Variants in ANKRD30BL observed in about 807,000 individuals in gnomAD.
The protein encoded by ANKRD30BL is ankyrin repeat domain 30B like.
ANKRD30BL carries 20 observed loss-of-function variants against 18.4 expected under a neutral mutation model. The ratio of observed to expected loss-of-function variants is 1.09; its 90% CI spans 0.77 to 1.58. The LOEUF (loss-of-function observed/expected upper bound fraction) is 1.58, where lower values mean the gene tolerates loss of function less well. Ranked by LOEUF, ANKRD30BL falls within the 40% of genes most tolerant of loss-of-function variation. ANKRD30BL has a pLI of 0.00. For missense variants in ANKRD30BL, 224 were observed against 268.6 expected (o/e 0.83, Z 1.16); for synonymous variants, 72 against 100.9 (o/e 0.71, Z 1.72).
In ANKRD30BL at chr2:132,177,191, G is replaced by A. The variant is rs1688380107; in HGVS notation, n.442-20045C>T. Among the ~76,000 whole-genome samples, 6 of 151,568 alleles carry A rather than the reference G, an allele frequency of 4.0e-5. No individual in the cohort carries two copies. The South Asian group carries it at 1.3e-3, about 32-fold the overall frequency. On this transcript the variant is annotated intron_variant and non_coding_transcript_variant, in intron 1 of 4. Coordinates refer to the ANKRD30BL transcript ENST00000470729. ...TATTTTTGAGATGGAATTTCCCTTG[G>A]TCACCCAGGTGGAGTGCAATGGCAC...
intron 1 of ANKRD30BL, among the ~76,000 whole-genome samples, chr2:132,246,784 G>A (rs1680510988): frequency 6.6e-6 from 1 of 151,756 alleles, no homozygotes; most frequent in South Asian, 2.1e-4. Flanking sequence ...GCTCTTTGAG[G>A]GCTATGGTGA....
In ANKRD30BL at chr2:132,161,870, A is replaced by G. The variant is rs1573807425; in HGVS notation, c.-165T>C. On this transcript the variant is annotated 5_prime_UTR_variant, in exon 1 of 6. Coordinates refer to ENST00000409867, the MANE Select transcript of ANKRD30BL (RefSeq NM_001358416.1). ...ACACTCCAACCTCTCCCGGGAGAAA[A>G]TGGCTGCGCAAAACCGTTAGGCAGC... The G allele has an allele frequency of 3.4e-6, 2 of 591,132 alleles. No individual in the cohort carries two copies. The highest frequency in any genetic ancestry group is 6.1e-6 in the Non-Finnish European group (2 of 327,464). The allele number at this position is 591,132 out of a possible 1,614,324, so 36.6% of individuals were successfully genotyped here. A position where few individuals can be genotyped will look rare whatever the true frequency, so the allele number is the denominator to read the frequency against.
intron 1 of ANKRD30BL, among the ~76,000 whole-genome samples, chr2:132,229,335 T>G (rs878916418): frequency 6.6e-6 from 1 of 152,170 alleles, no homozygotes; most frequent in South Asian, 2.1e-4. Flanking sequence ...AATGTGTGCA[T>G]TCATCTAGAA....
At chr2:132,202,325 A>T (rs1400755923) in intron 1 of ANKRD30BL, among the ~76,000 whole-genome samples, 1 of 149,274 alleles carries the variant, frequency 6.7e-6, no homozygotes, top group Non-Finnish European at 1.5e-5. Context: ...CCAAAAAAAT[A>T]AATAAATAAA....
intron 1 of ANKRD30BL, among the ~76,000 whole-genome samples, chr2:132,174,571 AG>A (rs1304842525): frequency 2.6e-5 from 4 of 152,202 alleles, no homozygotes; most frequent in Admixed American, 2.6e-4. Flanking sequence ...TCTAAATGAA[AG>A]CACATTTTTA....
chr2:132,198,591 G>C (rs1186910629), intron 1 of ANKRD30BL, among the ~76,000 whole-genome samples: 6 of 150,890 alleles, frequency 4.0e-5, no homozygotes, highest in African/African-American at 1.5e-4. Flanking sequence ...CCAAAGTGCT[G>C]GGATCACAGG....
chr2:132,220,611 C>T (rs1194305559), intron 1 of ANKRD30BL, among the ~76,000 whole-genome samples: 2 of 152,114 alleles, frequency 1.3e-5, no homozygotes, highest in Non-Finnish European at 2.9e-5. Context: ...AGTGATCCGC[C>T]AGCCTCGGCC....
chr2:132,237,005 C>T (rs1680168051), intron 1 of ANKRD30BL, among the ~76,000 whole-genome samples: 1 of 151,676 alleles, frequency 6.6e-6, no homozygotes, highest in African/African-American at 2.4e-5. Context: ...AATCATCATT[C>T]TCAGTAAACT....
At chr2:132,175,596 T>C (rs951672713) in intron 1 of ANKRD30BL, among the ~76,000 whole-genome samples, 38 of 152,218 alleles carry the variant, frequency 2.5e-4, no homozygotes, top group Admixed American at 2.0e-3. Flanking sequence ...ACAGACCCTT[T>C]ACGGGTGTTG....
intron 1 of ANKRD30BL, among the ~76,000 whole-genome samples, chr2:132,200,715 C>T (rs1191424592): frequency 6.6e-6 from 1 of 152,138 alleles, no homozygotes; most frequent in African/African-American, 2.4e-5. Context: ...AATGGCCATA[C>T]TGCCCAAGGT....
chr2:132,181,451 G>T lies in ANKRD30BL; in HGVS notation n.442-24305C>A, dbSNP rs72866788. Among the ~76,000 whole-genome samples the T allele has an allele frequency of 7.2e-3, 961 of 132,872 alleles. 11 individuals carry two copies. The highest frequency in any genetic ancestry group is 0.025 in the African/African-American group (873 of 34,572). The allele number at this position is 132,872 out of a possible 152,430, so 87.2% of individuals were successfully genotyped here. The stretch of plus-strand genomic sequence containing the variant: ...TCATGCCACTGCACTGACAAAGGAA[G>T]ACTCTGTTTCAAAAAAAAAAGAAAG... On this transcript the variant is annotated intron_variant and non_coding_transcript_variant, in intron 1 of 4. Transcript: ENST00000470729.
chr2:132,237,174 T>C (rs1464848540), intron 1 of ANKRD30BL, among the ~76,000 whole-genome samples: 2 of 151,984 alleles, frequency 1.3e-5, no homozygotes, highest in Non-Finnish European at 2.9e-5. Flanking sequence ...TACCTAATGC[T>C]AGAAGACGAG....
chr2:132,217,417 G>T (rs527349761), intron 1 of ANKRD30BL, among the ~76,000 whole-genome samples: 3,653 of 151,378 alleles, frequency 0.024, 63 homozygotes, highest in Non-Finnish European at 0.037. Context: ...GAGACCTATG[G>T]TTGAAAAGGA....
chr2:132,205,314 T>C (rs1269739397), intron 1 of ANKRD30BL, among the ~76,000 whole-genome samples: 1 of 151,616 alleles, frequency 6.6e-6, no homozygotes, highest in African/African-American at 2.4e-5. Context: ...AAGGAGTTAT[T>C]AAAAAGAAAG....
chr2:132,208,779 T>C (rs1019206998), intron 1 of ANKRD30BL, among the ~76,000 whole-genome samples: 1 of 151,522 alleles, frequency 6.6e-6, no homozygotes, highest in African/African-American at 2.4e-5. Flanking sequence ...TGAGTGTTTG[T>C]CCCTCACACA....
chr2:132,194,874 T>G (rs1304313904), intron 1 of ANKRD30BL, among the ~76,000 whole-genome samples: 2 of 152,226 alleles, frequency 1.3e-5, no homozygotes, highest in Non-Finnish European at 2.9e-5. Context: ...GAAAAAACAA[T>G]GCTGCACATC....
At chr2:132,160,393 G>T (rs1251367502) in intron 1 of ANKRD30BL, among the ~76,000 whole-genome samples, 1 of 138,392 alleles carries the variant, frequency 7.2e-6, no homozygotes, top group Non-Finnish European at 1.5e-5. Context: ...GAGCCACGAC[G>T]CCTGGCCCTT....
intron 1 of ANKRD30BL, among the ~76,000 whole-genome samples, chr2:132,215,726 A>G (rs377741803): frequency 6.6e-6 from 1 of 151,930 alleles, no homozygotes; most frequent in Non-Finnish European, 1.5e-5. Flanking sequence ...AAGCATTCTG[A>G]CAAATTCTTT....
intron 1 of ANKRD30BL, among the ~76,000 whole-genome samples, chr2:132,198,591 G>A (rs1186910629): frequency 6.6e-6 from 1 of 150,890 alleles, no homozygotes; most frequent in Non-Finnish European, 1.5e-5. Context: ...CCAAAGTGCT[G>A]GGATCACAGG....
Sources: gnomAD v4.1 joint callset for allele counts (sites outside exome capture counted in the v4.1 genomes callset) on GRCh38, gnomAD v4.1.1 for gene constraint, MANE v1.5 for transcripts, NCBI Gene and HGNC (gene_info 2026-07-23, HGNC 2026-07-21) for gene names.